ABI3BP: variants seen among roughly 807,000 people sequenced by gnomAD.
ABI3BP encodes the protein target of Nesh-SH3.
A neutral mutation model predicts 268.6 loss-of-function variants in ABI3BP; 216 were observed. The ratio of observed to expected loss-of-function variants is 0.80; its 90% CI spans 0.72 to 0.90. The LOEUF (loss-of-function observed/expected upper bound fraction) is 0.90, where lower values mean the gene tolerates loss of function less well. ABI3BP is among the 40% of genes least tolerant of loss of function. The pLI is 0.00. For missense variants in ABI3BP, 2,090 were observed against 2,182.4 expected (o/e 0.96, Z 0.84); for synonymous variants, 730 against 730.0 (o/e 1.00, Z 0.00).
At chr3:100,945,144 T>G (rs997129588) in intron 1 of ABI3BP, among the ~76,000 whole-genome samples, 2 of 152,150 alleles carry the variant, frequency 1.3e-5, no homozygotes, top group Admixed American at 6.6e-5. Context: ...CCTACTAAAG[T>G]GCAAGAAAAT....
intron 1 of ABI3BP, among the ~76,000 whole-genome samples, chr3:100,956,188 C>T (rs2076750213): frequency 6.8e-6 from 1 of 146,280 alleles, no homozygotes; most frequent in African/African-American, 2.6e-5. Context: ...GACTCAGACT[C>T]TGTCTCAAAA....
At chr3:100,821,994 C>A (rs2098245263) in intron 38 of ABI3BP, among the ~76,000 whole-genome samples, 1 of 152,016 alleles carries the variant, frequency 6.6e-6, no homozygotes, top group African/African-American at 2.4e-5. Flanking sequence ...TTCTTCCCAC[C>A]CTTCTACTCA....
chr3:100,891,120 C>G (rs1354063688), intron 4 of ABI3BP, among the ~76,000 whole-genome samples: 2 of 152,002 alleles, frequency 1.3e-5, no homozygotes, highest in Non-Finnish European at 2.9e-5. Flanking sequence ...TCTGTCTAAC[C>G]ACATTTTCCT....
Position 100,851,943 on chromosome 3 carries a change from TA to T in ABI3BP, c.1286-4del, listed in dbSNP as rs60146880. ...GCTTGAGAAAACATCATAAGTTGCTTAAAAAAAAAAAAAAGGCAAAACAAGA... is the reference window on the plus strand; with the variant it reads ...GCTTGAGAAAACATCATAAGTTGCTTAAAAAAAAAAAAAGGCAAAACAAGA... On this transcript the variant is annotated splice_polypyrimidine_tract_variant and splice_region_variant and intron_variant, in intron 14 of 67. Transcript: ENST00000471714. 112,259 of 1,274,038 alleles carry T rather than the reference TA, an allele frequency of 0.088. 2 individuals are homozygous for T. The highest frequency in any genetic ancestry group is 0.13 in the East Asian group (4,366 of 34,354). 78.9% of individuals were successfully genotyped at this position (1,274,038 alleles called of 1,614,324 possible).
At chr3:100,778,607 C>T in intron 58 of ABI3BP, 2 of 495,690 alleles carry the variant, frequency 4.0e-6, no homozygotes, top group Non-Finnish European at 7.0e-6. Flanking sequence ...AAAACATGTC[C>T]TCATTATAGA....
At chr3:100,917,922 C>G (rs960644115) in intron 2 of ABI3BP, among the ~76,000 whole-genome samples, 9 of 152,042 alleles carry the variant, frequency 5.9e-5, no homozygotes, top group Non-Finnish European at 1.3e-4. Context: ...CTGGTATAAA[C>G]TTATGGTGAA....
intron 51 of ABI3BP, among the ~76,000 whole-genome samples, chr3:100,801,413 G>T (rs1312302703): frequency 8.4e-6 from 1 of 118,496 alleles, no homozygotes; most frequent in East Asian, 2.3e-4. Flanking sequence ...GGGCAACAGA[G>T]TGATATCCTG....
At chr3:100,777,940 C>T (rs1425175539) in intron 59 of ABI3BP, among the ~76,000 whole-genome samples, 5 of 152,190 alleles carry the variant, frequency 3.3e-5, no homozygotes, top group Admixed American at 6.5e-5. Flanking sequence ...AAGTCAATGA[C>T]AAGTCATCAC....
intron 6 of ABI3BP, among the ~76,000 whole-genome samples, chr3:100,884,061 T>G (rs2040721892): frequency 1.3e-5 from 2 of 152,078 alleles, no homozygotes; most frequent in Non-Finnish European, 2.9e-5. Context: ...TAGTATGATT[T>G]TAATTTGTAA....
rs1298448562 is a variant in ABI3BP, at chr3:100,795,805, T to C, written c.3864A>G (p.Ile1288Met). The change falls in exon 53 of 68, where the codon ATA becomes ATG. Residue 1288 changes from isoleucine to methionine, a missense_variant and splice_region_variant. Ile to Met is a conservative substitution (Grantham distance 10). Transcript: ENST00000471714. The part of the protein sequence containing the change: ...TFRFEPPKTT[I>M]APLETRGIPF... ...TGGTCAATATGGGAAAACCATTACC[T>C]ATTGTTGTCTTTGGTGGCTCAAATC... The C allele has an allele frequency of 7.8e-7, 1 of 1,287,598 alleles. No homozygotes were observed. The highest frequency in any genetic ancestry group is 2.3e-5 in the Admixed American group (1 of 43,200). 79.8% of individuals were successfully genotyped at this position (1,287,598 alleles called of 1,614,324 possible).
chr3:100,882,840 T>C (rs1194313679), intron 6 of ABI3BP, among the ~76,000 whole-genome samples: 3 of 152,088 alleles, frequency 2.0e-5, no homozygotes, highest in African/African-American at 7.2e-5. Context: ...AGAAATGATA[T>C]CATGGAGTCA....
rs2061762376 is a variant in ABI3BP at position 100,926,221 on chromosome 3, G to C, written c.259+81C>G. 2.1e-6 allele frequency: 3 copies of C among 1,426,152 alleles called. No homozygotes were observed. In the Admixed American group the frequency reaches 5.8e-5, roughly 28 times the overall value. 88.3% of individuals were successfully genotyped at this position (1,426,152 alleles called of 1,614,324 possible). ...TAAGGATGTAGAAAAAATAGTTCTT[G>C]ACATCAAGATTTGTAGGTCATGTTA... On this transcript the variant is annotated intron_variant, in intron 2 of 67. Coordinates refer to ENST00000471714, the MANE Select transcript of ABI3BP (RefSeq NM_001375547.2).
At chr3:100,846,080 G>C (rs2098763900) in intron 20 of ABI3BP, among the ~76,000 whole-genome samples, 1 of 152,008 alleles carries the variant, frequency 6.6e-6, no homozygotes. Flanking sequence ...TAGAATTCCA[G>C]TCAACACTGG....
At chr3:100,906,968 A>G (rs1382368619) in intron 2 of ABI3BP, among the ~76,000 whole-genome samples, 1 of 152,240 alleles carries the variant, frequency 6.6e-6, no homozygotes, top group Non-Finnish European at 1.5e-5. Flanking sequence ...AAATAAACCA[A>G]GATAATCCTA....
chr3:100,935,175 C>G (rs1402973838), intron 1 of ABI3BP, among the ~76,000 whole-genome samples: 6 of 152,136 alleles, frequency 3.9e-5, no homozygotes, highest in African/African-American at 1.4e-4. Flanking sequence ...GGAACGGATC[C>G]AGTTTCTGCT....
chr3:100,864,977 C>T (rs1277536871), intron 10 of ABI3BP, 70 bp from the exon 11 acceptor site: 2 of 1,203,176 alleles, frequency 1.7e-6, no homozygotes, highest in East Asian at 4.9e-5. Context: ...GAGACACATC[C>T]TGTTGCCTTT....
At chr3:100,862,282 C>A (rs766536000) in intron 14 of ABI3BP, 29 bp downstream of exon 14, 6 of 1,469,196 alleles carry the variant, frequency 4.1e-6, no homozygotes, top group South Asian at 1.3e-5. Flanking sequence ...TTGTTATAAT[C>A]GATTTTTTTA....
intron 27 of ABI3BP, among the ~76,000 whole-genome samples, chr3:100,836,128 T>A (rs1045216996): frequency 3.3e-5 from 5 of 152,192 alleles, no homozygotes; most frequent in Non-Finnish European, 5.9e-5. Context: ...ACGTTTTATT[T>A]GTAATAAATG....
chr3:100,756,474 A>G (rs957421819), intron 63 of ABI3BP, among the ~76,000 whole-genome samples: 2 of 152,124 alleles, frequency 1.3e-5, no homozygotes, highest in African/African-American at 4.8e-5. Flanking sequence ...TCACACACAC[A>G]TGGGGTATTT....
Sources: allele counts gnomAD v4.1 joint callset (sites outside exome capture counted in the v4.1 genomes callset), GRCh38; gene constraint gnomAD v4.1.1; transcripts MANE v1.5; gene names NCBI Gene and HGNC (gene_info 2026-07-23, HGNC 2026-07-21).